Variants in UGT1A9 observed in about 807,000 individuals in gnomAD.
The protein encoded by UGT1A9 is UDP-glucuronosyltransferase 1A9.
Under a neutral mutation model 45.0 loss-of-function variants are expected in UGT1A9, and 35 were observed. That is an observed-to-expected ratio of 0.78 (90% CI 0.59 to 1.03). The LOEUF (loss-of-function observed/expected upper bound fraction) is 1.03, where lower values mean the gene tolerates loss of function less well. UGT1A9 is among the 50% of genes least tolerant of loss of function. The probability of loss-of-function intolerance (pLI) is 0.00; values close to 1 mark genes in which losing one functional copy is unlikely to be tolerated. For missense variants in UGT1A9, 687 were observed against 666.6 expected (o/e 1.03, Z -0.34); for synonymous variants, 278 against 250.6 (o/e 1.11, Z -1.03).
chr2:233,752,699 G>C (rs1695036146), intron 1 of UGT1A9, among the ~76,000 whole-genome samples: 3 of 152,058 alleles, frequency 2.0e-5, no homozygotes, highest in Non-Finnish European at 4.4e-5. Flanking sequence ...TTACTAGTGG[G>C]GTATGATCTT....
intron 1 of UGT1A9, among the ~76,000 whole-genome samples, chr2:233,677,270 T>A (rs909595005): frequency 2.0e-5 from 3 of 152,220 alleles, no homozygotes; most frequent in Non-Finnish European, 2.9e-5. Flanking sequence ...AAGTATATCA[T>A]GTTTTTGATG....
chr2:233,755,236 G>C (rs1242283792), intron 1 of UGT1A9: 2 of 905,678 alleles, frequency 2.2e-6, no homozygotes, highest in Non-Finnish European at 3.3e-6. Flanking sequence ...GAGGCCTACC[G>C]GGGTACTCCC....
In UGT1A9 at chr2:233,760,763, T is replaced by C. The variant is rs587784539; in HGVS notation, c.856-6271T>C. 4.6e-5 allele frequency: 74 copies of C among 1,613,968 alleles called. 1 individual carries two copies. In the South Asian group the frequency reaches 7.5e-4, roughly 16 times the overall value. ...GACCCTTTCCTTCCTTGCAGCCCCA[T>C]CGTGGCCCAGTACCTGTCTCTGCCC... On this transcript the variant is annotated intron_variant, in intron 1 of 4. Transcript: ENST00000354728.
intron 1 of UGT1A9, among the ~76,000 whole-genome samples, chr2:233,717,616 G>A (rs555691364): frequency 2.6e-5 from 4 of 152,224 alleles, no homozygotes; most frequent in African/African-American, 9.6e-5. Context: ...ACAGCCCAGA[G>A]AGCCTGCCCA....
At chr2:233,727,130 G>A (rs2077585965) in intron 1 of UGT1A9, among the ~76,000 whole-genome samples, 1 of 152,168 alleles carries the variant, frequency 6.6e-6, no homozygotes, top group Non-Finnish European at 1.5e-5. Context: ...TGGCAGAGGG[G>A]AACAAGACCA....
intron 1 of UGT1A9, chr2:233,693,797 A>C: frequency 1.2e-6 from 2 of 1,614,202 alleles, no homozygotes; most frequent in Non-Finnish European, 1.7e-6. Flanking sequence ...TGAATATCCT[A>C]GGCCGGTCAT....
At chr2:233,711,398 T>G (rs2076179015) in intron 1 of UGT1A9, among the ~76,000 whole-genome samples, 1 of 152,210 alleles carries the variant, frequency 6.6e-6, no homozygotes, top group Non-Finnish European at 1.5e-5. Flanking sequence ...TGTTCCACCC[T>G]CACCCCGGGC....
rs150934066 is a variant in UGT1A9 at position 233,719,055 on chromosome 2, G to A, written c.855+46266G>A. On this transcript the variant is annotated intron_variant, in intron 1 of 4. Coordinates refer to ENST00000354728, the MANE Select transcript of UGT1A9 (RefSeq NM_021027.3). ...AGAAGAGAAATTTTTCACCCTGACA[G>A]CCTATGCTGTTCCATGGACCCAGAA... 2,523 of 1,614,284 alleles carry A rather than the reference G, an allele frequency of 1.6e-3. 2 individuals carry two copies. Among genetic ancestry groups the A allele is most frequent in the Non-Finnish European group, 1.9e-3 (2,220 of 1,180,048 alleles).
At chr2:233,733,672 G>A (rs1353617171) in intron 1 of UGT1A9, among the ~76,000 whole-genome samples, 2 of 152,204 alleles carry the variant, frequency 1.3e-5, no homozygotes, top group African/African-American at 4.8e-5. Flanking sequence ...GATCGATGTG[G>A]ATAAACTTTT....
Position 233,729,783 on chromosome 2 carries a change from C to T in UGT1A9, c.856-37251C>T, listed in dbSNP as rs761502728. On this transcript the variant is annotated intron_variant, in intron 1 of 4. Coordinates refer to ENST00000354728, the MANE Select transcript of UGT1A9 (RefSeq NM_021027.3). Reference sequence around the variant, plus strand: ...TCAAGAACATGCTCTACCCTCTGGCCCTGTCCTACATTTGCCATGCTTTTT... The same window carrying T: ...TCAAGAACATGCTCTACCCTCTGGCTCTGTCCTACATTTGCCATGCTTTTT... 6 of 1,613,820 alleles carry T rather than the reference C, an allele frequency of 3.7e-6. No homozygotes were observed. In the Admixed American group the frequency reaches 8.3e-5, roughly 22 times the overall value.
chr2:233,677,508 C>G (rs1270056055), intron 1 of UGT1A9, among the ~76,000 whole-genome samples: 5 of 152,032 alleles, frequency 3.3e-5, no homozygotes, highest in Non-Finnish European at 5.9e-5. Flanking sequence ...AGTATTATAT[C>G]CTGTATTATG....
At chr2:233,705,688 T>C (rs947769375) in intron 1 of UGT1A9, among the ~76,000 whole-genome samples, 1 of 152,234 alleles carries the variant, frequency 6.6e-6, no homozygotes, top group Non-Finnish European at 1.5e-5. Context: ...TCACAACGAC[T>C]GGTATAAAAA....
chr2:233,715,581 G>A (rs2076458979), intron 1 of UGT1A9, among the ~76,000 whole-genome samples: 1 of 151,966 alleles, frequency 6.6e-6, no homozygotes, highest in Non-Finnish European at 1.5e-5. Flanking sequence ...AGAGCAGCCT[G>A]GGCAACATGC....
chr2:233,752,680 A>G (rs1695029756), intron 1 of UGT1A9: 1 of 152,192 alleles, frequency 6.6e-6, no homozygotes, highest in South Asian at 2.1e-4. Context: ...TGAGCCCAGA[A>G]ATTCATGTTT....
At chr2:233,682,126 T>A in intron 1 of UGT1A9, 1 of 1,614,070 alleles carries the variant, frequency 6.2e-7, no homozygotes, top group East Asian at 2.2e-5. Flanking sequence ...CAGAGGTGAG[T>A]TGGCAACTGG....
Position 233,768,224 on chromosome 2 carries a change from C to T in UGT1A9, c.1080C>T (p.His360=), listed in dbSNP as rs758090189. The change falls in exon 4 of 5, where the codon CAC becomes CAT. Residue 360 remains histidine (H), a synonymous_variant. Coordinates refer to ENST00000354728, the MANE Select transcript of UGT1A9 (RefSeq NM_021027.3). ...CCTCCCTATTTTGCATCTCAGGTCA[C>T]CCGATGACCCGTGCCTTTATCACCC... ...KWLPQNDLLG[H]PMTRAFITHA... is the part of the protein sequence containing the mutation. 13 of 1,614,174 alleles carry T rather than the reference C, an allele frequency of 8.1e-6. No individual in the cohort carries two copies. The highest frequency in any genetic ancestry group is 1.3e-5 in the African/African-American group (1 of 75,028).
chr2:233,743,881 C>T (rs755016650), intron 1 of UGT1A9: 6 of 1,366,984 alleles, frequency 4.4e-6, no homozygotes, highest in Middle Eastern at 4.2e-4. Flanking sequence ...ATGAGGCCTG[C>T]CGGGGCACGT....
intron 1 of UGT1A9, among the ~76,000 whole-genome samples, chr2:233,680,518 C>T (rs2074488970): frequency 6.6e-6 from 1 of 152,100 alleles, no homozygotes; most frequent in African/African-American, 2.4e-5. Flanking sequence ...GAATTATGCC[C>T]TGAGGTTGGC....
intron 1 of UGT1A9, chr2:233,713,534 C>T (rs1306966284): frequency 6.2e-7 from 1 of 1,613,828 alleles, no homozygotes; most frequent in African/African-American, 1.3e-5. Flanking sequence ...GTGATTTAGA[C>T]TTTAAGGGCA....
Sources: gnomAD v4.1 joint callset for allele counts (sites outside exome capture counted in the v4.1 genomes callset) on GRCh38, gnomAD v4.1.1 for gene constraint, MANE v1.5 for transcripts, NCBI Gene and HGNC (gene_info 2026-07-23, HGNC 2026-07-21) for gene names.